The following DEFB116 variants were observed in gnomAD, a reference collection of about 807,000 sequenced individuals.
The protein encoded by DEFB116 is defensin beta 116.
A neutral mutation model predicts 2.8 loss-of-function variants in DEFB116; 5 were observed. That is an observed-to-expected ratio of 1.80 (90% CI 0.94 to 3.79). DEFB116 has a LOEUF of 3.79. Among genes scored for constraint, DEFB116 ranks in the 30% most tolerant of loss-of-function variants. The pLI, the probability that DEFB116 is intolerant of heterozygous loss-of-function variation, is 0.00. For synonymous variants in DEFB116, 56 were observed against 40.8 expected (o/e 1.37, Z -1.42); for missense variants, 170 against 118.0 (o/e 1.44, Z -2.04).
In DEFB116 at chr20:31,308,533, G is replaced by T; in HGVS notation, c.53C>A (p.Ala18Asp). The change falls in exon 1 of 2, where the codon GCT becomes GAT. Residue 18 changes from alanine to aspartate, a missense_variant. Coordinates refer to ENST00000400549, the MANE Select transcript of DEFB116 (RefSeq NM_001037731.1). ...GCCTGAGTTACCTGGAGTCTTTTGAGCCAGGATCATAAGGATGGCAATGGT... is the reference window on the plus strand; with the variant it reads ...GCCTGAGTTACCTGGAGTCTTTTGATCCAGGATCATAAGGATGGCAATGGT... ...LMTIAILMIL[A>D]QKTPGGLFRS... is the part of the protein sequence containing the mutation. 1.2e-6 allele frequency: 2 copies of T among 1,613,564 alleles called. No individual in the cohort carries two copies. Among genetic ancestry groups the T allele is most frequent in the Non-Finnish European group, 1.7e-6 (2 of 1,179,548 alleles).
intron 1 of DEFB116, among the ~76,000 whole-genome samples, chr20:31,304,713 G>T (rs1018864397): frequency 6.6e-6 from 1 of 151,918 alleles, no homozygotes; most frequent in Non-Finnish European, 1.5e-5. Context: ...TGGCATTCAA[G>T]GACCTTTTCA....
intron 1 of DEFB116, among the ~76,000 whole-genome samples, chr20:31,304,202 C>T (rs541494289): frequency 6.6e-6 from 1 of 152,216 alleles, no homozygotes; most frequent in East Asian, 1.9e-4. Flanking sequence ...TATAAGTCAT[C>T]CAGGTGTGTA....
intron 1 of DEFB116, among the ~76,000 whole-genome samples, chr20:31,307,598 C>G (rs1307766314): frequency 6.6e-6 from 1 of 151,890 alleles, no homozygotes; most frequent in Non-Finnish European, 1.5e-5. Context: ...TTCTGCACAG[C>G]AAAGGAAACA....
At chr20:31,303,876 C>T (rs147013883) in intron 1 of DEFB116, among the ~76,000 whole-genome samples, 78 of 152,246 alleles carry the variant, frequency 5.1e-4, no homozygotes, top group African/African-American at 1.6e-3. Context: ...CTGTGACCCT[C>T]ACACACAGCT....
rs772038210 is a variant in DEFB116 at position 31,308,554 on chromosome 20, A to G, written c.32T>C (p.Ile11Thr). ...TTGAGCCAGGATCATAAGGATGGCA[A>G]TGGTCATTAAACAGGGCTTCATGAC... Reference protein sequence around the residue: MSVMKPCLMTIAILMILAQKT... With the variant: MSVMKPCLMTTAILMILAQKT... Residue 11 changes from isoleucine (I) to threonine (T), a missense_variant, in exon 1 of 2, where the codon ATT becomes ACT. Transcript: ENST00000400549. 2 of 1,613,600 alleles carry G rather than the reference A, an allele frequency of 1.2e-6. No individual in the cohort carries two copies. Among genetic ancestry groups the G allele is most frequent in the South Asian group, 1.1e-5 (1 of 91,082 alleles).
Position 31,304,948 on chromosome 20 carries a change from T to C in DEFB116, c.68-1495A>G, listed in dbSNP as rs569605005. On this transcript the variant is annotated intron_variant, in intron 1 of 1. Coordinates refer to ENST00000400549, the MANE Select transcript of DEFB116 (RefSeq NM_001037731.1). ...GTAAAATGCCCAATTTTAGGTGAAG[T>C]TGGAGAACGGGAAGAGAAATAAAGA... Among the ~76,000 whole-genome samples the C allele has an allele frequency of 9.2e-5, 14 of 152,214 alleles. No homozygotes were observed. The East Asian group carries it at 9.7e-4, about 10-fold the overall frequency.
At chr20:31,304,805 G>A (rs964173999) in intron 1 of DEFB116, among the ~76,000 whole-genome samples, 3 of 151,968 alleles carry the variant, frequency 2.0e-5, no homozygotes, top group South Asian at 2.1e-4. Flanking sequence ...ATAGATAGAG[G>A]TCTCCAATTA....
chr20:31,308,187 A>G (rs1031419802), intron 1 of DEFB116, among the ~76,000 whole-genome samples: 16 of 151,746 alleles, frequency 1.1e-4, no homozygotes, highest in Admixed American at 6.6e-5. Flanking sequence ...AAACTGCTAT[A>G]CCCCTCCTAT....
Position 31,306,872 on chromosome 20 carries a change from C to T in DEFB116, c.67+1647G>A, listed in dbSNP as rs551132839. The stretch of plus-strand genomic sequence containing the variant: ...AATTCCAAACATTCCAGTCTCCTGA[C>T]TTCCTCTATCTCAGCCATCTACAGT... On this transcript the variant is annotated intron_variant, in intron 1 of 1. Transcript: ENST00000400549. 3.1e-4 allele frequency among the ~76,000 whole-genome samples: 47 copies of T among 152,256 alleles called. 2 individuals are homozygous for T. In the South Asian group the frequency reaches 9.3e-3, roughly 30 times the overall value.
At chr20:31,308,137 G>T (rs759172525) in intron 1 of DEFB116, among the ~76,000 whole-genome samples, 12 of 151,884 alleles carry the variant, frequency 7.9e-5, no homozygotes, top group Non-Finnish European at 1.6e-4. Flanking sequence ...CTATCTCTAA[G>T]GTCTTACAAC....
At chr20:31,307,402 A>G (rs1985015280) in intron 1 of DEFB116, among the ~76,000 whole-genome samples, 1 of 152,148 alleles carries the variant, frequency 6.6e-6, no homozygotes, top group Non-Finnish European at 1.5e-5. Flanking sequence ...CTTACACCAT[A>G]CACAAAAACA....
chr20:31,303,790 A>C (rs373049878), intron 1 of DEFB116, among the ~76,000 whole-genome samples: 3 of 152,252 alleles, frequency 2.0e-5, no homozygotes, highest in East Asian at 3.9e-4. Context: ...AGTTGATATG[A>C]AAGTCTTCTC....
intron 1 of DEFB116, among the ~76,000 whole-genome samples, chr20:31,305,030 T>A (rs1984962253): frequency 6.6e-6 from 1 of 151,972 alleles, no homozygotes; most frequent in Admixed American, 6.6e-5. Flanking sequence ...GGAGTGTGTA[T>A]AAACTGCCCC....
intron 1 of DEFB116, among the ~76,000 whole-genome samples, chr20:31,308,111 C>T (rs532056846): frequency 1.3e-5 from 2 of 152,150 alleles, no homozygotes; most frequent in East Asian, 1.9e-4. Flanking sequence ...TCCCCACTCA[C>T]TTTTTGGATA....
At chr20:31,306,504 T>C (rs1483687743) in intron 1 of DEFB116, among the ~76,000 whole-genome samples, 2 of 152,136 alleles carry the variant, frequency 1.3e-5, no homozygotes, top group Non-Finnish European at 2.9e-5. Context: ...CTGTCTTCAT[T>C]TTTGTTGTTG....
rs532041898 is a variant in DEFB116 at position 31,305,152 on chromosome 20, C to A, written c.68-1699G>T. Among the ~76,000 whole-genome samples the A allele has an allele frequency of 9.6e-4, 146 of 152,110 alleles. 1 individual carries two copies. Among genetic ancestry groups the A allele is most frequent in the East Asian group, 9.7e-4 (5 of 5,160 alleles). ...CATCCATGCTCCAGCACAATGATAT[C>A]ACTGTGTTTCCCACCTTAATCTTCA... On this transcript the variant is annotated intron_variant, in intron 1 of 1. Transcript: ENST00000400549.
chr20:31,305,308 T>C (rs1248106752), intron 1 of DEFB116, among the ~76,000 whole-genome samples: 1 of 152,012 alleles, frequency 6.6e-6, no homozygotes, highest in Admixed American at 6.6e-5. Flanking sequence ...TCTAGGACTT[T>C]TCCTTTCTAC....
chr20:31,304,644 A>C (rs896165338), intron 1 of DEFB116, among the ~76,000 whole-genome samples: 10 of 152,004 alleles, frequency 6.6e-5, no homozygotes, highest in African/African-American at 2.2e-4. Flanking sequence ...ATCATCCTGC[A>C]TCATGTCTAC....
In DEFB116 at chr20:31,303,422, G is replaced by A; in HGVS notation, c.99C>T (p.Ser33=). 6.2e-7 allele frequency: 1 copy of A among 1,613,346 alleles called. No individual in the cohort carries two copies. Among genetic ancestry groups the A allele is most frequent in the Middle Eastern group, 1.7e-4 (1 of 6,046 alleles). ...GCTCACATGGATTCCAAGGCTCTCG[G>A]CTCTTGCCATTGTGGGATCTGAACA... ...GGLFRSHNGK[S]REPWNPCELY... The change falls in exon 2 of 2, where the codon AGC becomes AGT. Residue 33 remains serine (S), a synonymous_variant. Coordinates refer to ENST00000400549, the MANE Select transcript of DEFB116 (RefSeq NM_001037731.1).
Sources: allele counts gnomAD v4.1 joint callset (sites outside exome capture counted in the v4.1 genomes callset), GRCh38; gene constraint gnomAD v4.1.1; transcripts MANE v1.5; gene names NCBI Gene and HGNC (gene_info 2026-07-23, HGNC 2026-07-21).